Variants in C3orf70 observed in about 807,000 individuals in gnomAD.
The protein encoded by C3orf70 is chromosome 3 open reading frame 70.
A neutral mutation model predicts 20.7 loss-of-function variants in C3orf70; 15 were observed. The observed-to-expected ratio is 0.72, with a 90% CI of 0.48 to 1.11. C3orf70 has a LOEUF of 1.11. C3orf70 is among the 50% of genes most tolerant of loss of function. C3orf70 has a pLI of 0.00. For synonymous variants in C3orf70, 161 were observed against 125.7 expected (o/e 1.28, Z -1.88); for missense variants, 332 against 317.6 (o/e 1.05, Z -0.34).
In C3orf70 at chr3:185,081,071, G is replaced by C. The variant is rs1715325228; in HGVS notation, c.*1936C>G. 6.6e-6 allele frequency: 1 copy of C among 152,132 alleles called. No individual in the cohort carries two copies. Among genetic ancestry groups the C allele is most frequent in the Non-Finnish European group, 1.5e-5 (1 of 68,030 alleles). 9.4% of individuals were successfully genotyped at this position (152,132 alleles called of 1,614,324 possible). A position where few individuals can be genotyped will look rare whatever the true frequency, so the allele number is the denominator to read the frequency against. On this transcript the variant is annotated 3_prime_UTR_variant, in exon 2 of 2. Transcript: ENST00000335012. ...CAACTGGGAAAGCAAATTCTTCCTTGAGTAGTTTGTGAATGATGCCAAATG... is the reference window on the plus strand; with the variant it reads ...CAACTGGGAAAGCAAATTCTTCCTTCAGTAGTTTGTGAATGATGCCAAATG...
chr3:185,118,624 A>C (rs73887810), intron 1 of C3orf70, among the ~76,000 whole-genome samples: 7,888 of 152,252 alleles, frequency 0.052, 660 homozygotes, highest in African/African-American at 0.18. Flanking sequence ...TAAAGCCCTA[A>C]CATTTAAATT....
chr3:185,096,440 A>C (rs1715706303), intron 1 of C3orf70, among the ~76,000 whole-genome samples: 1 of 152,226 alleles, frequency 6.6e-6, no homozygotes, highest in Non-Finnish European at 1.5e-5. Flanking sequence ...AGCATTAAAC[A>C]GTAAAGAGAA....
chr3:185,132,850 G>T lies in C3orf70; in HGVS notation c.196+19778C>A, dbSNP rs766110454. On this transcript the variant is annotated intron_variant, in intron 1 of 1. Transcript: ENST00000335012. ...AGAAATGTAGAACACCAAAAACAAA[G>T]ATACTATCTTAAAGGCAGCTAGAGA... Among the ~76,000 whole-genome samples the T allele has an allele frequency of 2.0e-4, 30 of 152,082 alleles. 1 individual carries two copies. The highest frequency in any genetic ancestry group is 3.2e-3 in the Middle Eastern group (1 of 316).
chr3:185,081,887 C>T lies in C3orf70; in HGVS notation c.*1120G>A, dbSNP rs1446241822. 3 of 152,628 alleles carry T rather than the reference C, an allele frequency of 2.0e-5. No homozygotes were observed. The highest frequency in any genetic ancestry group is 4.4e-5 in the Non-Finnish European group (3 of 68,044). The allele number at this position is 152,628 out of a possible 1,614,324, so 9.5% of individuals were successfully genotyped here. Reference sequence around the variant, plus strand: ...ATTCTAATCCATTCCTCACTTAAACCATACGAATGCTTCATACAACCAAAT... The same window carrying T: ...ATTCTAATCCATTCCTCACTTAAACTATACGAATGCTTCATACAACCAAAT... On this transcript the variant is annotated 3_prime_UTR_variant, in exon 2 of 2. Transcript: ENST00000335012.
intron 1 of C3orf70, among the ~76,000 whole-genome samples, chr3:185,096,702 T>C (rs926002592): frequency 6.6e-6 from 1 of 152,126 alleles, no homozygotes; most frequent in African/African-American, 2.4e-5. Flanking sequence ...GAACGTGTGG[T>C]TCCTTGGCTC....
intron 1 of C3orf70, among the ~76,000 whole-genome samples, chr3:185,096,309 G>A (rs1011892119): frequency 3.9e-5 from 6 of 152,244 alleles, no homozygotes; most frequent in African/African-American, 1.4e-4. Context: ...AACTACTCCT[G>A]AATGGGGACA....
rs568352089 is a variant in C3orf70 at position 185,081,293 on chromosome 3, A to G, written c.*1714T>C. ...GCCAGGTGTGGTGGCACGTGCCCAT[A>G]GTCCCAGCTACTCAGGAGGCTGAGG... is the stretch of plus-strand genomic sequence containing the variant. On this transcript the variant is annotated 3_prime_UTR_variant, in exon 2 of 2. Transcript: ENST00000335012. The G allele has an allele frequency of 2.5e-3, 379 of 152,412 alleles. 1 individual carries two copies. Among genetic ancestry groups the G allele is most frequent in the Non-Finnish European group, 4.6e-3 (313 of 68,194 alleles). 9.4% of individuals were successfully genotyped at this position (152,412 alleles called of 1,614,324 possible).
At chr3:185,133,118 A>T (rs942895477) in intron 1 of C3orf70, among the ~76,000 whole-genome samples, 111 of 152,360 alleles carry the variant, frequency 7.3e-4, no homozygotes, top group African/African-American at 2.6e-3. Context: ...AAAACCACTG[A>T]GATACCATTT....
chr3:185,091,791 T>C (rs1370288410), intron 1 of C3orf70, among the ~76,000 whole-genome samples: 3 of 147,672 alleles, frequency 2.0e-5, no homozygotes, highest in African/African-American at 7.5e-5. Context: ...TTCAAGCAAT[T>C]CTCCTGCCTC....
At chr3:185,111,809 C>T (rs1716078719) in intron 1 of C3orf70, among the ~76,000 whole-genome samples, 1 of 152,024 alleles carries the variant, frequency 6.6e-6, no homozygotes, top group Non-Finnish European at 1.5e-5. Flanking sequence ...CAGAATCAGG[C>T]AATGATGTTT....
chr3:185,152,126 A>G (rs1716999047), intron 1 of C3orf70, among the ~76,000 whole-genome samples: 1 of 152,168 alleles, frequency 6.6e-6, no homozygotes, highest in African/African-American at 2.4e-5. Flanking sequence ...TTTGGGTACA[A>G]TCAAGGGGGA....
intron 1 of C3orf70, among the ~76,000 whole-genome samples, chr3:185,150,978 TAC>T (rs1310829528): frequency 6.6e-6 from 1 of 152,204 alleles, no homozygotes; most frequent in Non-Finnish European, 1.5e-5. Context: ...TGGCCAGGGA[TAC>T]AGAGAGAAGA....
rs1007200073 is a variant in C3orf70 at position 185,147,758 on chromosome 3, C to T, written c.196+4870G>A. On this transcript the variant is annotated intron_variant, in intron 1 of 1. Coordinates refer to ENST00000335012, the MANE Select transcript of C3orf70 (RefSeq NM_001025266.3). ...CTGTGTCCTAATTCTTAGCTCCTAA[C>T]GCTCTGTTCTCTTTTGCCTTCAAGA... is the stretch of plus-strand genomic sequence containing the variant. Among the ~76,000 whole-genome samples the T allele has an allele frequency of 3.3e-5, 5 of 152,220 alleles. 1 individual carries two copies. Among genetic ancestry groups the T allele is most frequent in the South Asian group, 4.1e-4 (2 of 4,830 alleles).
chr3:185,137,252 T>C (rs1716648129), intron 1 of C3orf70, among the ~76,000 whole-genome samples: 1 of 152,222 alleles, frequency 6.6e-6, no homozygotes, highest in Non-Finnish European at 1.5e-5. Context: ...TCTGCCATGA[T>C]TGTGAGGCTT....
rs1315580237 is a variant in C3orf70, at chr3:185,080,038, A to G, written c.*2969T>C. 1 of 152,690 alleles carries G rather than the reference A, an allele frequency of 6.5e-6. No individual in the cohort carries two copies. Among genetic ancestry groups the G allele is most frequent in the Non-Finnish European group, 1.5e-5 (1 of 68,038 alleles). 9.5% of individuals were successfully genotyped at this position (152,690 alleles called of 1,614,324 possible). ...TACAATCTGTTTCAGTTGGTTTTGG[A>G]ATGCAAGCATAAAGAAACAATTCCA... On this transcript the variant is annotated 3_prime_UTR_variant, in exon 2 of 2. Coordinates refer to ENST00000335012, the MANE Select transcript of C3orf70 (RefSeq NM_001025266.3).
intron 1 of C3orf70, among the ~76,000 whole-genome samples, chr3:185,106,456 A>G (rs537981278): frequency 1.3e-5 from 2 of 152,312 alleles, no homozygotes; most frequent in South Asian, 4.1e-4. Context: ...GAATGTGGAA[A>G]AAATCAGCAA....
chr3:185,147,244 T>C (rs1716895426), intron 1 of C3orf70, among the ~76,000 whole-genome samples: 1 of 152,006 alleles, frequency 6.6e-6, no homozygotes, highest in South Asian at 2.1e-4. Context: ...TTATGTGATA[T>C]TCTTAAGCCA....
At chr3:185,138,721 T>G (rs1162175364) in intron 1 of C3orf70, among the ~76,000 whole-genome samples, 1 of 152,152 alleles carries the variant, frequency 6.6e-6, no homozygotes, top group Non-Finnish European at 1.5e-5. Flanking sequence ...TTTTAAAACC[T>G]CTCAGAAAAT....
intron 1 of C3orf70, among the ~76,000 whole-genome samples, chr3:185,149,410 A>C (rs1223458519): frequency 2.6e-5 from 4 of 151,830 alleles, no homozygotes; most frequent in African/African-American, 9.7e-5. Flanking sequence ...AAAAAAAAAA[A>C]AACAGTAAAT....
Sources: gnomAD v4.1 joint callset for allele counts (sites outside exome capture counted in the v4.1 genomes callset) on GRCh38, gnomAD v4.1.1 for gene constraint, MANE v1.5 for transcripts, NCBI Gene and HGNC (gene_info 2026-07-23, HGNC 2026-07-21) for gene names.